Variants in ATXN2L observed in about 807,000 individuals in gnomAD.
The protein encoded by ATXN2L is ataxin-2-like protein.
In ATXN2L, 24 loss-of-function variants were observed where a neutral mutation model predicts 120.7. The ratio of observed to expected loss-of-function variants is 0.20; its 90% CI spans 0.14 to 0.28. The LOEUF is 0.28. Among genes scored for constraint, ATXN2L ranks in the 10% least tolerant of loss-of-function variants. The pLI, the probability that ATXN2L is intolerant of heterozygous loss-of-function variation, is 1.00. For synonymous variants in ATXN2L, 653 were observed against 568.1 expected (o/e 1.15, Z -2.13); for missense variants, 1,312 against 1,432.3 (o/e 0.92, Z 1.36).
In ATXN2L at chr16:28,830,698, G is replaced by A. The variant is rs757654931; in HGVS notation, c.1118G>A (p.Arg373Gln). The change falls in exon 9 of 22, where the codon CGG becomes CAG. Residue 373 changes from arginine to glutamine, a missense_variant. Physicochemically the swap from Arg to Gln is conservative, Grantham distance 43. Transcript: ENST00000336783. Reference sequence around the variant, plus strand: ...CGATGCAGCAGCTCTCGGGGCGGTCGGCCTGGCCTTAGCTCTTTGCCACCT... The same window carrying A: ...CGATGCAGCAGCTCTCGGGGCGGTCAGCCTGGCCTTAGCTCTTTGCCACCT... ...GVRCSSSRGG[R>Q]PGLSSLPPRG... 5 of 1,613,644 alleles carry A rather than the reference G, an allele frequency of 3.1e-6. No individual in the cohort carries two copies. Among genetic ancestry groups the A allele is most frequent in the African/African-American group, 2.7e-5 (2 of 74,852 alleles).
At position 28,836,024 on chromosome 16, in the gene ATXN2L, G is replaced by C; in HGVS notation, c.2987G>C (p.Ser996Thr). 6.3e-7 allele frequency: 1 copy of C among 1,588,776 alleles called. No homozygotes were observed. Among genetic ancestry groups the C allele is most frequent in the Non-Finnish European group, 8.6e-7 (1 of 1,166,040 alleles). The change falls in exon 22 of 22, where the codon AGT becomes ACT. Residue 996 changes from serine (S) to threonine (T), a missense_variant. Transcript: ENST00000336783. The part of the protein sequence containing the change: ...PQVMLLHPPQ[S>T]HGGPPQGAVP... ...GTGATGCTGCTGCACCCACCCCAGA[G>C]TCATGGGGGGCCCCCCCAAGGCGCG...
At position 28,825,390 on chromosome 16, in the gene ATXN2L, C is replaced by T. The variant is rs777104174; in HGVS notation, c.324C>T (p.Pro108=). Residue 108 remains proline, a synonymous_variant, in exon 2 of 22, where the codon CCC becomes CCT. Coordinates refer to ENST00000336783, the MANE Select transcript of ATXN2L (RefSeq NM_007245.4). ...GGGGACAGAGCACAGGAAAGGGACCCCCACAGTCACCTGTGAGTGTCTTCT... is the reference window on the plus strand; with the variant it reads ...GGGGACAGAGCACAGGAAAGGGACCTCCACAGTCACCTGTGAGTGTCTTCT... ...SARGQSTGKG[P]PQSPVFEGVY... The T allele has an allele frequency of 1.2e-6, 2 of 1,613,804 alleles. No homozygotes were observed. The highest frequency in any genetic ancestry group is 1.1e-5 in the South Asian group (1 of 91,064).
chr16:28,823,974 G>C, intron 1 of ATXN2L: 1 of 431,756 alleles, frequency 2.3e-6, no homozygotes, highest in Non-Finnish European at 3.1e-6. Flanking sequence ...GCCAATGGAG[G>C]GGGGCGCGCG....
Position 28,836,880 on chromosome 16 carries a change from G to T in ATXN2L, c.*615G>T. 8.0e-7 allele frequency: 1 copy of T among 1,254,696 alleles called. No individual in the cohort carries two copies. The allele number at this position is 1,254,696 out of a possible 1,614,324, so 77.7% of individuals were successfully genotyped here. On this transcript the variant is annotated 3_prime_UTR_variant, in exon 22 of 22. Coordinates refer to ENST00000336783, the MANE Select transcript of ATXN2L (RefSeq NM_007245.4). ...ACCACTCCCAGCCCCCCATCCCCCCGTTCCCCAGGGGAGCTGGGGAATTCC... is the reference window on the plus strand; with the variant it reads ...ACCACTCCCAGCCCCCCATCCCCCCTTTCCCCAGGGGAGCTGGGGAATTCC...
intron 5 of ATXN2L, 67 bp downstream of exon 5, chr16:28,826,457 C>T (rs2052018253): frequency 1.3e-6 from 2 of 1,526,422 alleles, no homozygotes; most frequent in African/African-American, 1.4e-5. Context: ...AGTTTGTGTG[C>T]AGGTGGAACA....
intron 10 of ATXN2L, 41 bp from the exon 11 acceptor site, chr16:28,832,164 G>T: frequency 6.2e-7 from 1 of 1,602,142 alleles, no homozygotes; most frequent in South Asian, 1.1e-5. Flanking sequence ...CACTGCTGTT[G>T]ACCAGCAGTA....
chr16:28,829,302 C>A, intron 6 of ATXN2L, 99 bp from the exon 7 acceptor site: 1 of 831,296 alleles, frequency 1.2e-6, no homozygotes, highest in Non-Finnish European at 2.1e-6. Context: ...TGTGCCCAGC[C>A]AATTTGTTCA....
In ATXN2L at chr16:28,830,788, G is replaced by T; in HGVS notation, c.1208G>T (p.Gly403Val). 1 of 1,597,884 alleles carries T rather than the reference G, an allele frequency of 6.3e-7. No individual in the cohort carries two copies. Among genetic ancestry groups the T allele is most frequent in the Non-Finnish European group, 8.5e-7 (1 of 1,173,354 alleles). Residue 403 changes from glycine to valine, a missense_variant and splice_region_variant, in exon 9 of 22, where the codon GGA (glycine) becomes GTA (valine). Physicochemically the swap from Gly to Val is moderately radical, Grantham distance 109. Transcript: ENST00000336783. ...GGTTCTGAGGCCCGTGGTATCAATG[G>T]AGGTGAGTTATGAGGTGACTTTGAG... ...GPGSEARGINGGPSRMSPKAQ... is the reference protein window; with the variant it reads ...GPGSEARGINVGPSRMSPKAQ...
At position 28,836,444 on chromosome 16, in the gene ATXN2L, C is replaced by T; in HGVS notation, c.*179C>T. ...CAGCAGCCCCCCTCCCCACTGCCTC[C>T]CCAGCTCTCAGTGACCCCGACTGTC... On this transcript the variant is annotated 3_prime_UTR_variant, in exon 22 of 22. Coordinates refer to ENST00000336783, the MANE Select transcript of ATXN2L (RefSeq NM_007245.4). The T allele has an allele frequency of 6.2e-7, 1 of 1,613,206 alleles. No individual in the cohort carries two copies. The highest frequency in any genetic ancestry group is 1.3e-5 in the African/African-American group (1 of 74,964).
rs1379778431 is a variant in ATXN2L, at chr16:28,834,345, A to G, written c.2175A>G (p.Ala725=). The G allele has an allele frequency of 6.2e-7, 1 of 1,613,850 alleles. No homozygotes were observed. Among genetic ancestry groups the G allele is most frequent in the Non-Finnish European group, 8.5e-7 (1 of 1,179,750 alleles). Residue 725 remains alanine (A), a splice_region_variant and synonymous_variant, in exon 17 of 22, where the codon GCA becomes GCG. Coordinates refer to ENST00000336783, the MANE Select transcript of ATXN2L (RefSeq NM_007245.4). Reference sequence around the variant, plus strand: ...CTCATCTGTGTCCTCATCCCCAGGCACCTCAGATGTATCCATATCCTGTAT... The same window carrying G: ...CTCATCTGTGTCCTCATCCCCAGGCGCCTCAGATGTATCCATATCCTGTAT... ...PQIHMGPAVQ[A]PQMYPYPVSN... is the part of the protein sequence containing the mutation.
At position 28,823,552 on chromosome 16, in the gene ATXN2L, G is replaced by A. The variant is rs2050343776; in HGVS notation, c.293G>A (p.Ser98Asn). ...AGGCCGGGGGCAGCCGCCATCGGCAGCGCCAGGTGAGAAGGGTGGGCTCCG... is the reference window on the plus strand; with the variant it reads ...AGGCCGGGGGCAGCCGCCATCGGCAACGCCAGGTGAGAAGGGTGGGCTCCG... ...QERPGAAAIGSARGQSTGKGP... is the reference protein window; with the variant it reads ...QERPGAAAIGNARGQSTGKGP... Residue 98 changes from serine to asparagine, a missense_variant, in exon 1 of 22, where the codon AGC becomes AAC. Ser to Asn is a conservative substitution (Grantham distance 46). Coordinates refer to ENST00000336783, the MANE Select transcript of ATXN2L (RefSeq NM_007245.4). The A allele has an allele frequency of 7.4e-7, 1 of 1,352,424 alleles. No homozygotes were observed. Among genetic ancestry groups the A allele is most frequent in the Non-Finnish European group, 9.5e-7 (1 of 1,055,804 alleles). 83.8% of individuals were successfully genotyped at this position (1,352,424 alleles called of 1,614,324 possible). A position where few individuals can be genotyped will look rare whatever the true frequency, so the allele number is the denominator to read the frequency against.
chr16:28,828,031 C>T (rs2052847701), intron 6 of ATXN2L, among the ~76,000 whole-genome samples: 2 of 152,160 alleles, frequency 1.3e-5, no homozygotes, highest in South Asian at 4.1e-4. Flanking sequence ...TAGTTCTTTG[C>T]TTCTATTGTT....
chr16:28,834,923 G>A (rs956164110), intron 18 of ATXN2L, 135 bp from the exon 19 acceptor site: 2 of 1,276,572 alleles, frequency 1.6e-6, no homozygotes, highest in Non-Finnish European at 1.1e-6. Context: ...TGTCTGCTGG[G>A]TGGGATCGTT....
At position 28,834,046 on chromosome 16, in the gene ATXN2L, T is replaced by G; in HGVS notation, c.2026-19T>G. The G allele has an allele frequency of 1.2e-6, 2 of 1,608,298 alleles. No homozygotes were observed. The highest frequency in any genetic ancestry group is 1.7e-6 in the Non-Finnish European group (2 of 1,177,784). On this transcript the variant is annotated intron_variant, in intron 15 of 21. Coordinates refer to ENST00000336783, the MANE Select transcript of ATXN2L (RefSeq NM_007245.4). ...GAGGGGAAAATACAAAATAAAATTG[T>G]CCTCCCTTGTTTTTGCAGAATAAAT...
At chr16:28,825,465 A>G in intron 2 of ATXN2L, 63 bp downstream of exon 2, 1 of 1,571,228 alleles carries the variant, frequency 6.4e-7, no homozygotes, top group Non-Finnish European at 8.8e-7. Context: ...ATGTGGGAAT[A>G]TAGGGCACAT....
chr16:28,824,608 C>T (rs759344256), intron 1 of ATXN2L: 56 of 1,231,566 alleles, frequency 4.5e-5, no homozygotes, highest in Non-Finnish European at 5.9e-5. Flanking sequence ...ACCCCTCCTC[C>T]CACAGTTTTG....
At chr16:28,833,846 T>G in intron 15 of ATXN2L, 1 of 668,904 alleles carries the variant, frequency 1.5e-6, no homozygotes, top group Non-Finnish European at 2.5e-6. Flanking sequence ...CCCCTGTATT[T>G]GGAAGGTTTG....
Position 28,830,935 on chromosome 16 carries a change from T to TTA in ATXN2L, c.1211-27_1211-26insTA, listed in dbSNP as rs777081249. On this transcript the variant is annotated intron_variant, in intron 9 of 21. Coordinates refer to ENST00000336783, the MANE Select transcript of ATXN2L (RefSeq NM_007245.4). ...TCGTCTGCCTCCTGACATTTTCTTC[T>TTA]CAAAAAAAAAAAAAAAAACCAAACA... is the stretch of plus-strand genomic sequence containing the variant. The TTA allele has an allele frequency of 4.7e-4, 453 of 963,068 alleles. No homozygotes were observed. The African/African-American group carries it at 8.4e-3, about 18-fold the overall frequency. The allele number at this position is 963,068 out of a possible 1,614,324, so 59.7% of individuals were successfully genotyped here.
Position 28,834,630 on chromosome 16 carries a change from C to T in ATXN2L, c.2370C>T (p.Tyr790=), listed in dbSNP as rs752713745. 4.3e-6 allele frequency: 7 copies of T among 1,613,902 alleles called. No individual in the cohort carries two copies. The African/African-American group carries it at 8.0e-5, about 18-fold the overall frequency. The change falls in exon 18 of 22, where the codon TAC becomes TAT. Residue 790 remains tyrosine (Y), a synonymous_variant. Coordinates refer to ENST00000336783, the MANE Select transcript of ATXN2L (RefSeq NM_007245.4). ...AATPYSSYIP[Y]NPQQFPGQPA... ...CGCCCTATTCTTCCTACATCCCCTACAACCCTCAGCAGTTCCCAGGCCAGC... is the reference window on the plus strand; with the variant it reads ...CGCCCTATTCTTCCTACATCCCCTATAACCCTCAGCAGTTCCCAGGCCAGC...
Sources: gnomAD v4.1 joint callset for allele counts (sites outside exome capture counted in the v4.1 genomes callset) on GRCh38, gnomAD v4.1.1 for gene constraint, MANE v1.5 for transcripts, NCBI Gene and HGNC (gene_info 2026-07-23, HGNC 2026-07-21) for gene names.